Variants in RALYL observed in about 807,000 individuals in gnomAD.
RALYL encodes the protein RALY RNA binding protein like.
In RALYL, 29 loss-of-function variants were observed where a neutral mutation model predicts 35.1. That is an observed-to-expected ratio of 0.83 (90% CI 0.61 to 1.13). The LOEUF (loss-of-function observed/expected upper bound fraction) is 1.13. Among genes scored for constraint, RALYL ranks in the 50% most tolerant of loss-of-function variants. The pLI, the probability that RALYL is intolerant of heterozygous loss-of-function variation, is 0.00. For missense variants in RALYL, 359 were observed against 360.4 expected, an observed-to-expected ratio of 1.00 and a Z score of 0.03; for synonymous variants, 120 against 127.6, an observed-to-expected ratio of 0.94 and a Z score of 0.40.
At chr8:84,569,366 G>A (rs1265667123) in intron 2 of RALYL, among the ~76,000 whole-genome samples, 2 of 151,916 alleles carry the variant, frequency 1.3e-5, no homozygotes, top group African/African-American at 2.4e-5. Flanking sequence ...GTAGATATGC[G>A]ACATTATTTC....
At chr8:84,318,688 G>T (rs892068220) in intron 1 of RALYL, among the ~76,000 whole-genome samples, 1 of 152,100 alleles carries the variant, frequency 6.6e-6, no homozygotes, top group African/African-American at 2.4e-5. Flanking sequence ...GGCCAGGCCT[G>T]TACAAGAGTC....
intron 1 of RALYL, among the ~76,000 whole-genome samples, chr8:84,260,118 T>C (rs966953197): frequency 6.6e-6 from 1 of 152,172 alleles, no homozygotes; most frequent in African/African-American, 2.4e-5. Context: ...GTTAAGACCA[T>C]GTGAGAAAAG....
chr8:84,320,894 G>A (rs1453983266), intron 1 of RALYL, among the ~76,000 whole-genome samples: 3 of 151,926 alleles, frequency 2.0e-5, no homozygotes, highest in Admixed American at 6.6e-5. Context: ...GGACCATCTA[G>A]GCATAAAAGA....
At chr8:84,809,377 G>T (rs1825391973) in intron 4 of RALYL, among the ~76,000 whole-genome samples, 2 of 151,996 alleles carry the variant, frequency 1.3e-5, no homozygotes, top group South Asian at 2.1e-4. Flanking sequence ...TGTTGGATTT[G>T]GTTAGCTAGT....
chr8:84,276,199 G>C (rs1052673883), intron 1 of RALYL, among the ~76,000 whole-genome samples: 4 of 152,102 alleles, frequency 2.6e-5, no homozygotes, highest in Admixed American at 6.6e-5. Context: ...TTTGGAGACT[G>C]ACTGAATCTG....
At chr8:84,844,200 A>C (rs922107122) in intron 4 of RALYL, among the ~76,000 whole-genome samples, 29 of 152,218 alleles carry the variant, frequency 1.9e-4, no homozygotes, top group African/African-American at 6.8e-4. Flanking sequence ...AATGGGAGAA[A>C]ATTTTTGCAA....
At chr8:84,406,121 T>C (rs768828586) in intron 1 of RALYL, among the ~76,000 whole-genome samples, 1 of 151,594 alleles carries the variant, frequency 6.6e-6, no homozygotes, top group Non-Finnish European at 1.5e-5. Flanking sequence ...ATTCTAAATA[T>C]GGAGCATAGT....
chr8:84,432,635 G>C (rs2047264014), intron 1 of RALYL, among the ~76,000 whole-genome samples: 2 of 152,178 alleles, frequency 1.3e-5, no homozygotes, highest in South Asian at 2.1e-4. Flanking sequence ...TGTCCTTGCT[G>C]ATATAATTAG....
intron 2 of RALYL, among the ~76,000 whole-genome samples, chr8:84,757,686 T>C (rs1457998554): frequency 1.3e-5 from 2 of 152,156 alleles, no homozygotes; most frequent in Non-Finnish European, 2.9e-5. Context: ...AGTACATATA[T>C]TTGGTTAGCC....
intron 1 of RALYL, among the ~76,000 whole-genome samples, chr8:84,500,493 T>G (rs578068345): frequency 6.6e-6 from 1 of 152,310 alleles, no homozygotes; most frequent in South Asian, 2.1e-4. Context: ...AATGGGAATA[T>G]TCAAAATTAT....
intron 2 of RALYL, among the ~76,000 whole-genome samples, chr8:84,735,858 A>G (rs1847219303): frequency 6.8e-6 from 1 of 146,278 alleles, no homozygotes; most frequent in African/African-American, 2.7e-5. Flanking sequence ...GAACGAGAAC[A>G]CACAGGTCCA....
At chr8:84,854,452 T>C (rs1003801585) in intron 5 of RALYL, among the ~76,000 whole-genome samples, 2 of 152,142 alleles carry the variant, frequency 1.3e-5, no homozygotes, top group African/African-American at 2.4e-5. Context: ...AACAAACTGG[T>C]TGGTCAGTTT....
intron 2 of RALYL, among the ~76,000 whole-genome samples, chr8:84,683,720 A>C (rs1275732655): frequency 2.6e-5 from 4 of 151,936 alleles, no homozygotes; most frequent in Admixed American, 6.6e-5. Flanking sequence ...TGAGTCTCAC[A>C]CTGTCACCCA....
At chr8:84,193,411 C>A (rs573449517) in intron 1 of RALYL, among the ~76,000 whole-genome samples, 1 of 152,270 alleles carries the variant, frequency 6.6e-6, no homozygotes, top group East Asian at 1.9e-4. Context: ...CTGGTTACGT[C>A]TCAGAAGAGG....
chr8:84,564,755 T>C (rs2135661710), intron 2 of RALYL, among the ~76,000 whole-genome samples: 1 of 151,782 alleles, frequency 6.6e-6, no homozygotes, highest in African/African-American at 2.4e-5. Context: ...CCAAACTACA[T>C]TTCATCGTAT....
At chr8:84,758,669 G>T (rs1459970238) in intron 2 of RALYL, among the ~76,000 whole-genome samples, 1 of 152,104 alleles carries the variant, frequency 6.6e-6, no homozygotes, top group Non-Finnish European at 1.5e-5. Flanking sequence ...GGGAGAAAAT[G>T]AAGGGTAAAC....
At position 84,381,154 on chromosome 8, in the gene RALYL, A is replaced by G. The variant is rs182337057; in HGVS notation, c.-23-148145A>G. ...TCTCCAAAGGGAAGAGATGACCCCA[A>G]CGACAGCCACGACCCTGTTTCCAAC... On this transcript the variant is annotated intron_variant, in intron 1 of 8. Transcript: ENST00000521268. 4.1e-3 allele frequency among the ~76,000 whole-genome samples: 629 copies of G among 152,064 alleles called. 6 individuals are homozygous for G. The highest frequency in any genetic ancestry group is 0.014 in the African/African-American group (593 of 41,528).
chr8:84,838,585 G>A (rs981756135), intron 4 of RALYL, among the ~76,000 whole-genome samples: 42 of 152,090 alleles, frequency 2.8e-4, no homozygotes, highest in Non-Finnish European at 2.4e-4. Flanking sequence ...TTTTAACTTT[G>A]ACAGATAAAA....
chr8:84,275,857 T>A (rs1176762459), intron 1 of RALYL, among the ~76,000 whole-genome samples: 1 of 152,176 alleles, frequency 6.6e-6, no homozygotes, highest in Non-Finnish European at 1.5e-5. Context: ...ACAAATGTCA[T>A]GCTTGAAATG....
Sources: allele counts gnomAD v4.1 joint callset (sites outside exome capture counted in the v4.1 genomes callset), GRCh38; gene constraint gnomAD v4.1.1; transcripts MANE v1.5; gene names NCBI Gene and HGNC (gene_info 2026-07-23, HGNC 2026-07-21).